The following RFX3 variants were observed in gnomAD, a reference collection of about 807,000 sequenced individuals.
The protein encoded by RFX3 is regulatory factor X3.
In RFX3, 14 loss-of-function variants were observed where a neutral mutation model predicts 98.6. The ratio of observed to expected loss-of-function variants is 0.14; its 90% confidence interval spans 0.09 to 0.22. The LOEUF is 0.22. Among genes scored for constraint, RFX3 ranks in the 10% least tolerant of loss-of-function variants. The pLI, the probability that RFX3 is intolerant of heterozygous loss-of-function variation, is 1.00. For synonymous variants in RFX3, 383 were observed against 328.4 expected (o/e 1.17, Z -1.80); for missense variants, 639 against 926.9 (o/e 0.69, Z 4.03).
intron 15 of RFX3, chr9:3,247,384 G>GA (rs59660111): frequency 4.7e-4 from 443 of 937,646 alleles, no homozygotes; most frequent in Middle Eastern, 1.1e-3. Flanking sequence ...GACTGTGTTT[G>GA]AAAAAAAAAT....
chr9:3,493,652 C>G (rs908401737), intron 1 of RFX3, among the ~76,000 whole-genome samples: 1 of 144,260 alleles, frequency 6.9e-6, no homozygotes, highest in Non-Finnish European at 1.5e-5. Context: ...CCACTGCACT[C>G]CAGCCTGGGC....
rs972960817 is a variant in RFX3, at chr9:3,373,508, G to C, written c.117+21964C>G. Among the ~76,000 whole-genome samples the C allele has an allele frequency of 2.0e-5, 3 of 152,274 alleles. 1 individual carries two copies. In the South Asian group the frequency reaches 6.2e-4, roughly 32 times the overall value. On this transcript the variant is annotated intron_variant, in intron 2 of 16. Transcript: ENST00000617270. ...AAAAATTTTAGTCCTAATTGCCTGTGTGGCTGCACTTCATTTCCCTGGGCC... is the reference window on the plus strand; with the variant it reads ...AAAAATTTTAGTCCTAATTGCCTGTCTGGCTGCACTTCATTTCCCTGGGCC...
chr9:3,454,922 C>T (rs920649534), intron 1 of RFX3, among the ~76,000 whole-genome samples: 3 of 152,166 alleles, frequency 2.0e-5, no homozygotes, highest in Admixed American at 1.3e-4. Flanking sequence ...GAGACTCATA[C>T]CCAAGTCTCC....
intron 1 of RFX3, among the ~76,000 whole-genome samples, chr9:3,397,236 A>T (rs188604037): frequency 6.6e-6 from 1 of 152,350 alleles, no homozygotes; most frequent in Admixed American, 6.5e-5. Context: ...TGCATTCAAT[A>T]AAAGAAATAT....
At chr9:3,388,126 G>A (rs1300400522) in intron 2 of RFX3, among the ~76,000 whole-genome samples, 1 of 151,988 alleles carries the variant, frequency 6.6e-6, no homozygotes, top group Non-Finnish European at 1.5e-5. Context: ...TGGTTGTAAC[G>A]ACATACTACT....
At chr9:3,410,110 A>G (rs1051249324) in intron 1 of RFX3, among the ~76,000 whole-genome samples, 1 of 149,452 alleles carries the variant, frequency 6.7e-6, no homozygotes, top group African/African-American at 2.5e-5. Context: ...TCTTTCTCAC[A>G]TGAGTAAGGC....
intron 1 of RFX3, among the ~76,000 whole-genome samples, chr9:3,404,802 A>C (rs1446732301): frequency 2.6e-5 from 4 of 152,050 alleles, no homozygotes; most frequent in African/African-American, 9.7e-5. Flanking sequence ...GGGGAAAAAA[A>C]CTCTTCTTTT....
chr9:3,320,025 C>T (rs1831077449), intron 4 of RFX3, among the ~76,000 whole-genome samples: 1 of 152,058 alleles, frequency 6.6e-6, no homozygotes, highest in Admixed American at 6.6e-5. Context: ...TATCTGAAAC[C>T]TAGGATCAGG....
At chr9:3,402,092 A>G (rs1179013288) in intron 1 of RFX3, among the ~76,000 whole-genome samples, 1 of 152,222 alleles carries the variant, frequency 6.6e-6, no homozygotes, top group African/African-American at 2.4e-5. Flanking sequence ...CACAATGTAC[A>G]TGCCAGATTA....
intron 2 of RFX3, among the ~76,000 whole-genome samples, chr9:3,370,923 G>C (rs893023691): frequency 4.6e-5 from 7 of 152,052 alleles, no homozygotes; most frequent in Non-Finnish European, 1.0e-4. Flanking sequence ...GGCCACAATA[G>C]AATGACAAAA....
At chr9:3,475,956 C>T (rs750611666) in intron 1 of RFX3, among the ~76,000 whole-genome samples, 8 of 152,206 alleles carry the variant, frequency 5.3e-5, no homozygotes, top group Non-Finnish European at 7.3e-5. Flanking sequence ...TCTTCCCAGA[C>T]GCTGGCGTTA....
intron 15 of RFX3, among the ~76,000 whole-genome samples, 176 bp from the exon 16 acceptor site, chr9:3,229,065 C>G (rs559054180): frequency 1.3e-4 from 20 of 152,266 alleles, no homozygotes; most frequent in African/African-American, 4.8e-4. Context: ...CAAATTTGAA[C>G]AGTTTAAATT....
intron 3 of RFX3, among the ~76,000 whole-genome samples, chr9:3,333,750 G>A (rs1304196155): frequency 1.3e-5 from 2 of 152,154 alleles, no homozygotes; most frequent in African/African-American, 4.8e-5. Flanking sequence ...TGAGAGATGC[G>A]GGACATGGTG....
intron 2 of RFX3, among the ~76,000 whole-genome samples, chr9:3,380,029 C>T (rs745439658): frequency 5.9e-5 from 9 of 151,898 alleles, no homozygotes; most frequent in Non-Finnish European, 1.2e-4. Context: ...CAGGTTCAAG[C>T]GATTCTCCTG....
chr9:3,365,295 C>CAAAAAAAAAAAAAAA (rs1177381806), intron 2 of RFX3, among the ~76,000 whole-genome samples: 1 of 62,498 alleles, frequency 1.6e-5, no homozygotes, highest in Non-Finnish European at 3.9e-5. Context: ...AGACTCATCT[C>CAAAAAAAAAAAAAAA]AAAAAAAAAA....
Position 3,388,792 on chromosome 9 carries a change from G to A in RFX3, c.117+6680C>T, listed in dbSNP as rs1337401202. ...AAATTGAAAGCTTCTTTGAAAAAAA[G>A]AAAATCTTGCTTTGAACTCAATAGA... On this transcript the variant is annotated intron_variant, in intron 2 of 16. Coordinates refer to ENST00000617270, the MANE Select transcript of RFX3 (RefSeq NM_001282116.2). 2.0e-5 allele frequency among the ~76,000 whole-genome samples: 3 copies of A among 152,012 alleles called. No individual in the cohort carries two copies. In the East Asian group the frequency reaches 5.8e-4, roughly 29 times the overall value.
intron 2 of RFX3, among the ~76,000 whole-genome samples, chr9:3,377,057 C>G (rs2131635258): frequency 6.6e-6 from 1 of 152,296 alleles, no homozygotes; most frequent in East Asian, 1.9e-4. Flanking sequence ...GGATCTAGAA[C>G]TAGAAATACC....
At chr9:3,312,589 G>T (rs1213006821) in intron 4 of RFX3, among the ~76,000 whole-genome samples, 1 of 150,660 alleles carries the variant, frequency 6.6e-6, no homozygotes, top group Non-Finnish European at 1.5e-5. Flanking sequence ...AAAAAAAAAA[G>T]CAGGGGGATT....
intron 6 of RFX3, among the ~76,000 whole-genome samples, chr9:3,290,204 A>G (rs1392245642): frequency 2.0e-5 from 3 of 151,726 alleles, no homozygotes; most frequent in Non-Finnish European, 4.4e-5. Context: ...ATACAATTAA[A>G]AAAAAAAAAA....
Sources: gnomAD v4.1 joint callset for allele counts (sites outside exome capture counted in the v4.1 genomes callset) on GRCh38, gnomAD v4.1.1 for gene constraint, MANE v1.5 for transcripts, NCBI Gene and HGNC (gene_info 2026-07-23, HGNC 2026-07-21) for gene names.